The following ST18 variants were observed in gnomAD, a reference collection of about 807,000 sequenced individuals.
The protein encoded by ST18 is ST18 C2H2C-type zinc finger transcription factor.
A neutral mutation model predicts 110.0 loss-of-function variants in ST18; 50 were observed. The observed-to-expected ratio is 0.45, with a 90% CI of 0.36 to 0.58. The LOEUF is 0.58. Among genes scored for constraint, ST18 ranks in the 20% least tolerant of loss-of-function variants. The probability of loss-of-function intolerance (pLI) is 0.00; values close to 1 mark genes in which losing one functional copy is unlikely to be tolerated. For synonymous variants in ST18, 461 were observed against 452.4 expected, an observed-to-expected ratio of 1.02 and a Z score of -0.24; for missense variants, 1,306 against 1,280.1, an observed-to-expected ratio of 1.02 and a Z score of -0.31.
intron 22 of ST18, among the ~76,000 whole-genome samples, chr8:52,127,533 CAGTG>C (rs2047544217): frequency 6.6e-6 from 1 of 152,296 alleles, no homozygotes; most frequent in East Asian, 1.9e-4. Flanking sequence ...AGGTGACCTT[CAGTG>C]AGTCCATTTG....
At chr8:52,128,631 G>A (rs1462085798) in intron 22 of ST18, among the ~76,000 whole-genome samples, 3 of 152,148 alleles carry the variant, frequency 2.0e-5, no homozygotes, top group Non-Finnish European at 4.4e-5. Context: ...AGTGTGTTTT[G>A]TAATGATTCC....
At chr8:52,374,867 T>A (rs1306071275) in intron 2 of ST18, among the ~76,000 whole-genome samples, 1 of 152,206 alleles carries the variant, frequency 6.6e-6, no homozygotes, top group African/African-American at 2.4e-5. Context: ...ATGATCTCAT[T>A]CCTTTTTATG....
At chr8:52,251,334 C>T (rs1338585163) in intron 2 of ST18, among the ~76,000 whole-genome samples, 3 of 151,916 alleles carry the variant, frequency 2.0e-5, no homozygotes. Context: ...TGAAGTGATT[C>T]AGAATTTGTA....
Position 52,176,389 on chromosome 8 carries a change from CA to C in ST18, c.277+3732del, listed in dbSNP as rs2066970811. On this transcript the variant is annotated intron_variant, in intron 9 of 25. Transcript: ENST00000689386. ...TTATAAATAAAATAAACAACATGAC[CA>C]AACAAAAACTAAAAGTGTTCCAACC... Among the ~76,000 whole-genome samples, 3 of 152,212 alleles carry C rather than the reference CA, an allele frequency of 2.0e-5. No homozygotes were observed. The South Asian group carries it at 6.2e-4, about 32-fold the overall frequency.
chr8:52,226,422 TA>T (rs1251420537), intron 3 of ST18, among the ~76,000 whole-genome samples: 4 of 152,184 alleles, frequency 2.6e-5, no homozygotes, highest in Non-Finnish European at 5.9e-5. Context: ...AATCTACTTG[TA>T]AACACCTACA....
chr8:52,366,864 C>A (rs1445657282), intron 2 of ST18, among the ~76,000 whole-genome samples: 3 of 152,154 alleles, frequency 2.0e-5, no homozygotes, highest in South Asian at 2.1e-4. Flanking sequence ...TTCCCAAGAT[C>A]TATAAAAGTG....
chr8:52,155,157 A>G (rs1416323878), intron 15 of ST18, among the ~76,000 whole-genome samples: 5 of 151,584 alleles, frequency 3.3e-5, no homozygotes, highest in Non-Finnish European at 4.4e-5. Flanking sequence ...AGTGAAGATA[A>G]CACCAATGCA....
intron 8 of ST18, among the ~76,000 whole-genome samples, chr8:52,193,168 T>A (rs1157710436): frequency 6.6e-6 from 1 of 152,160 alleles, no homozygotes; most frequent in Non-Finnish European, 1.5e-5. Flanking sequence ...TTGGCAAGGA[T>A]GAAGGGAATG....
At chr8:52,267,618 T>C (rs1011126627) in intron 2 of ST18, among the ~76,000 whole-genome samples, 1 of 151,812 alleles carries the variant, frequency 6.6e-6, no homozygotes, top group African/African-American at 2.4e-5. Flanking sequence ...GGAAAATATA[T>C]ACCTATTCTT....
intron 2 of ST18, among the ~76,000 whole-genome samples, chr8:52,360,885 G>A (rs1252680998): frequency 2.0e-5 from 3 of 152,154 alleles, no homozygotes; most frequent in South Asian, 2.1e-4. Context: ...CGAAAGGGAG[G>A]TGCAGATTGA....
At chr8:52,354,173 A>G (rs2140351602) in intron 2 of ST18, among the ~76,000 whole-genome samples, 1 of 152,330 alleles carries the variant, frequency 6.6e-6, no homozygotes. Flanking sequence ...TTTACTGAAA[A>G]TGAAATGGGG....
intron 2 of ST18, among the ~76,000 whole-genome samples, chr8:52,237,211 A>G (rs1460004290): frequency 6.6e-6 from 1 of 152,242 alleles, no homozygotes; most frequent in African/African-American, 2.4e-5. Flanking sequence ...GTGGTCCACA[A>G]TGAATGCCCC....
At chr8:52,130,027 C>T (rs2048598374) in intron 22 of ST18, among the ~76,000 whole-genome samples, 1 of 146,890 alleles carries the variant, frequency 6.8e-6, no homozygotes, top group Non-Finnish European at 1.5e-5. Flanking sequence ...GCATGGGCGA[C>T]AGAGTGAGAC....
At chr8:52,242,807 C>T (rs1283176210) in intron 2 of ST18, among the ~76,000 whole-genome samples, 1 of 150,848 alleles carries the variant, frequency 6.6e-6, no homozygotes, top group African/African-American at 2.4e-5. Flanking sequence ...TGGAGGCAGA[C>T]GTTGCAGTGA....
chr8:52,239,991 G>A (rs983758135), intron 2 of ST18, among the ~76,000 whole-genome samples: 2 of 151,960 alleles, frequency 1.3e-5, no homozygotes, highest in Non-Finnish European at 2.9e-5. Flanking sequence ...ACAGAGTTTT[G>A]TCATATTGTC....
chr8:52,128,088 C>T (rs1014544602), intron 22 of ST18, among the ~76,000 whole-genome samples: 3 of 152,074 alleles, frequency 2.0e-5, no homozygotes, highest in African/African-American at 7.2e-5. Context: ...CCTGCCTCAG[C>T]CTCCCAAGTA....
chr8:52,323,650 G>C (rs1008538622), intron 2 of ST18, among the ~76,000 whole-genome samples: 1 of 152,122 alleles, frequency 6.6e-6, no homozygotes, highest in African/African-American at 2.4e-5. Flanking sequence ...ACTTGGTCTT[G>C]TTTAAATTTA....
rs556205994 is a variant in ST18, at chr8:52,160,636, G to T, written c.1594+739C>A. On this transcript the variant is annotated intron_variant, in intron 14 of 25. Transcript: ENST00000689386. ...TAATGAAGAAATCATGACCTCTATT[G>T]GTTCCCAATATTTACTTTCACACCT... Among the ~76,000 whole-genome samples, 23 of 152,150 alleles carry T rather than the reference G, an allele frequency of 1.5e-4. No individual in the cohort carries two copies. In the East Asian group the frequency reaches 3.9e-3, roughly 25 times the overall value.
chr8:52,272,358 A>G (rs1246352848), intron 2 of ST18, among the ~76,000 whole-genome samples: 1 of 147,578 alleles, frequency 6.8e-6, no homozygotes, highest in African/African-American at 2.7e-5. Flanking sequence ...GTAAAAAAAA[A>G]TCTAATAACC....
Sources: gnomAD v4.1 joint callset for allele counts (sites outside exome capture counted in the v4.1 genomes callset) on GRCh38, gnomAD v4.1.1 for gene constraint, MANE v1.5 for transcripts, NCBI Gene and HGNC (gene_info 2026-07-23, HGNC 2026-07-21) for gene names.